The following AGAP1 variants were observed in gnomAD, a reference collection of about 807,000 sequenced individuals.
AGAP1 encodes the protein arf-GAP with GTPase, ANK repeat and PH domain-containing protein 1.
A neutral mutation model predicts 105.3 loss-of-function variants in AGAP1; 29 were observed. The observed-to-expected ratio is 0.28, with a 90% CI of 0.21 to 0.38. The LOEUF (loss-of-function observed/expected upper bound fraction) is 0.38, where lower values mean the gene tolerates loss of function less well. Ranked by LOEUF, AGAP1 falls within the 10% of genes least tolerant of loss-of-function variation. The pLI is 1.00. For missense variants in AGAP1, 998 were observed against 1,165.1 expected (o/e 0.86, Z 2.09); for synonymous variants, 509 against 485.9 (o/e 1.05, Z -0.63).
At chr2:235,602,340 C>T (rs548775344) in intron 1 of AGAP1, among the ~76,000 whole-genome samples, 1 of 152,342 alleles carries the variant, frequency 6.6e-6, no homozygotes, top group Admixed American at 6.5e-5. Flanking sequence ...ATAATTCCCT[C>T]GATTTTGTCT....
chr2:235,961,999 A>G lies in AGAP1; in HGVS notation c.1484-6463A>G, dbSNP rs2054208620. Among the ~76,000 whole-genome samples the G allele has an allele frequency of 6.6e-6, 1 of 151,972 alleles. No homozygotes were observed. The highest frequency in any genetic ancestry group is 1.5e-5 in the Non-Finnish European group (1 of 68,010). ...GAGACTGCTGGGGACAGGCTGGGGC[A>G]GGGCGGGGTGGAGGGTGTCCTCTTC... On this transcript the variant is annotated intron_variant, in intron 12 of 17. Coordinates refer to ENST00000304032, the MANE Select transcript of AGAP1 (RefSeq NM_001037131.3). The surrounding 1 kb of genome is among the most constrained non-coding windows in gnomAD (Gnocchi z 5.9).
rs1046439639 is a variant in AGAP1 at position 235,807,292 on chromosome 2, G to A, written c.1011G>A (p.Ala337=). The A allele has an allele frequency of 9.3e-6, 15 of 1,604,832 alleles. No homozygotes were observed. Among genetic ancestry groups the A allele is most frequent in the East Asian group, 2.3e-5 (1 of 44,234 alleles). ...DKEKKGLESR[A]DSIGSGRAIP... is the part of the protein sequence containing the mutation. ...AGAAGAAAGGCCTGGAGAGTCGTGC[G>A]GACAGCATTGGGAGCGGCCGAGCCA... Residue 337 remains alanine (A), a synonymous_variant, in exon 9 of 18, where the codon GCG becomes GCA. Transcript: ENST00000304032.
At chr2:235,802,947 GTGGTGA>G (rs1559506131) in intron 8 of AGAP1, among the ~76,000 whole-genome samples, 13 of 97,286 alleles carry the variant, frequency 1.3e-4, no homozygotes, top group South Asian at 3.9e-4. Flanking sequence ...GGTTGTAATG[GTGGTGA>G]TGATGGTTGT....
chr2:235,880,200 A>G (rs909221119), intron 9 of AGAP1, among the ~76,000 whole-genome samples: 1 of 151,892 alleles, frequency 6.6e-6, no homozygotes, highest in Non-Finnish European at 1.5e-5. Context: ...TTCCTTAACA[A>G]ATAAGTCCTC....
intron 9 of AGAP1, among the ~76,000 whole-genome samples, chr2:235,811,768 G>A (rs772572697): frequency 2.9e-4 from 44 of 152,212 alleles, no homozygotes; most frequent in Admixed American, 2.7e-3. Flanking sequence ...GGTGTCTCAC[G>A]CTCTTGGTTT....
intron 1 of AGAP1, among the ~76,000 whole-genome samples, chr2:235,685,831 A>T (rs1465023185): frequency 6.6e-6 from 1 of 152,144 alleles, no homozygotes; most frequent in Non-Finnish European, 1.5e-5. Context: ...AGATCTAACA[A>T]CATGTGCCCG....
chr2:236,093,746 TC>T (rs1472463230), intron 16 of AGAP1, among the ~76,000 whole-genome samples: 2 of 141,858 alleles, frequency 1.4e-5, no homozygotes, highest in Non-Finnish European at 3.0e-5. Context: ...AAAAACACAA[TC>T]CCAAACACCA....
At chr2:235,853,284 T>G in intron 9 of AGAP1, 1 of 929,144 alleles carries the variant, frequency 1.1e-6, no homozygotes, top group Non-Finnish European at 1.3e-6. Context: ...GCTTCAAGAT[T>G]TGAAATATCT....
Position 236,076,385 on chromosome 2 carries a change from CA to C in AGAP1, c.2114+27105del, listed in dbSNP as rs975046126. On this transcript the variant is annotated intron_variant, in intron 16 of 17. Coordinates refer to ENST00000304032, the MANE Select transcript of AGAP1 (RefSeq NM_001037131.3). This position sits in a 1 kb window ranked among gnomAD's most constrained non-coding sequence, Gnocchi z 4.4. Reference sequence around the variant, plus strand: ...GCTTGAACCCTGGAGGCAGAGGTTACAGTGAGTCGAGACCACACCATTGTAC... The same window carrying C: ...GCTTGAACCCTGGAGGCAGAGGTTACGTGAGTCGAGACCACACCATTGTAC... Among the ~76,000 whole-genome samples the C allele has an allele frequency of 4.6e-5, 7 of 152,118 alleles. No individual in the cohort carries two copies. Among genetic ancestry groups the C allele is most frequent in the African/African-American group, 1.7e-4 (7 of 41,500 alleles).
At chr2:235,607,368 A>G (rs777513054) in intron 1 of AGAP1, among the ~76,000 whole-genome samples, 2 of 152,246 alleles carry the variant, frequency 1.3e-5, no homozygotes, top group Non-Finnish European at 2.9e-5. Context: ...TATTCATGCA[A>G]TCTCACAGTT....
chr2:235,537,006 T>A (rs1015792239), intron 1 of AGAP1, among the ~76,000 whole-genome samples: 1 of 152,108 alleles, frequency 6.6e-6, no homozygotes. Context: ...ATTTATTCAT[T>A]CCTCCCTAGT....
rs1203526053 is a variant in AGAP1 at position 235,622,090 on chromosome 2, TG to T, written c.164-87088del. Among the ~76,000 whole-genome samples the T allele has an allele frequency of 6.6e-6, 1 of 152,262 alleles. No individual in the cohort carries two copies. Among genetic ancestry groups the T allele is most frequent in the African/African-American group, 2.4e-5 (1 of 41,470 alleles). On this transcript the variant is annotated intron_variant, in intron 1 of 17. Coordinates refer to ENST00000304032, the MANE Select transcript of AGAP1 (RefSeq NM_001037131.3). This position sits in a 1 kb window ranked among gnomAD's most constrained non-coding sequence, Gnocchi z 5.0. ...AGAATGCCTTAATCTTTTCTTGTTGTGTTTTGAATAGGTTACATGCAGACAT... is the reference window on the plus strand; with the variant it reads ...AGAATGCCTTAATCTTTTCTTGTTGTTTTTGAATAGGTTACATGCAGACAT...
In AGAP1 at chr2:235,927,433, C is replaced by T. The variant is rs1448122001; in HGVS notation, c.1325-3332C>T. On this transcript the variant is annotated intron_variant, in intron 11 of 17. Transcript: ENST00000304032. This position sits in a 1 kb window ranked among gnomAD's most constrained non-coding sequence, Gnocchi z 4.4. ...GATGGACAGACAGAAGTTTGAAAAC[C>T]AGTACATTCACAGCAGCATTCACAG... is the stretch of plus-strand genomic sequence containing the variant. Among the ~76,000 whole-genome samples, 1 of 152,196 alleles carries T rather than the reference C, an allele frequency of 6.6e-6. No individual in the cohort carries two copies. Among genetic ancestry groups the T allele is most frequent in the Non-Finnish European group, 1.5e-5 (1 of 68,032 alleles).
rs372883325 is a variant in AGAP1 at position 235,936,692 on chromosome 2, G to C, written c.1483+5769G>C. On this transcript the variant is annotated intron_variant, in intron 12 of 17. Transcript: ENST00000304032. This position sits in a 1 kb window ranked among gnomAD's most constrained non-coding sequence, Gnocchi z 4.7. ...CAGGCGGCGGTAATGTGATACTGCC[G>C]GTCTCTGACCTGGAAGCTTCTTTGA... is the stretch of plus-strand genomic sequence containing the variant. Among the ~76,000 whole-genome samples, 1 of 152,026 alleles carries C rather than the reference G, an allele frequency of 6.6e-6. No individual in the cohort carries two copies. Among genetic ancestry groups the C allele is most frequent in the Non-Finnish European group, 1.5e-5 (1 of 68,012 alleles).
At chr2:235,817,880 G>C (rs894101535) in intron 9 of AGAP1, among the ~76,000 whole-genome samples, 2 of 152,164 alleles carry the variant, frequency 1.3e-5, no homozygotes, top group African/African-American at 4.8e-5. Context: ...AACAGAGTGA[G>C]ACTCTGTCTC....
chr2:235,701,580 C>G lies in AGAP1; in HGVS notation c.164-7599C>G, dbSNP rs1950263152. On this transcript the variant is annotated intron_variant, in intron 1 of 17. Coordinates refer to ENST00000304032, the MANE Select transcript of AGAP1 (RefSeq NM_001037131.3). The surrounding 1 kb of genome is among the most constrained non-coding windows in gnomAD (Gnocchi z 4.1). The stretch of plus-strand genomic sequence containing the variant: ...ACTTCCAGGGAAGCCTGAAACCAAT[C>G]TGGTATCCCCAGGGTTTATGTTTTA... Among the ~76,000 whole-genome samples, 1 of 152,216 alleles carries G rather than the reference C, an allele frequency of 6.6e-6. No individual in the cohort carries two copies. The highest frequency in any genetic ancestry group is 2.1e-4 in the South Asian group (1 of 4,838).
chr2:235,924,728 G>A (rs1179041456), intron 11 of AGAP1, among the ~76,000 whole-genome samples: 1 of 152,160 alleles, frequency 6.6e-6, no homozygotes, highest in African/African-American at 2.4e-5. Flanking sequence ...CATGTTGTAA[G>A]AGGAACCCCA....
chr2:235,811,774 G>A (rs1958154765), intron 9 of AGAP1, among the ~76,000 whole-genome samples: 1 of 152,206 alleles, frequency 6.6e-6, no homozygotes, highest in Non-Finnish European at 1.5e-5. Flanking sequence ...TCACGCTCTT[G>A]GTTTTGTGTT....
At chr2:236,099,847 T>G (rs1245280350) in intron 16 of AGAP1, among the ~76,000 whole-genome samples, 1 of 152,038 alleles carries the variant, frequency 6.6e-6, no homozygotes, top group African/African-American at 2.4e-5. Context: ...CGAGACCAGC[T>G]TAACCAATAT....
Sources: gnomAD v4.1 joint callset for allele counts (sites outside exome capture counted in the v4.1 genomes callset) on GRCh38, gnomAD v4.1.1 for gene constraint, Gnocchi (gnomAD v3.1) non-coding constraint, MANE v1.5 for transcripts, NCBI Gene and HGNC (gene_info 2026-07-23, HGNC 2026-07-21) for gene names.